The following LRRC27 variants were observed in gnomAD, a reference collection of about 807,000 sequenced individuals.
LRRC27 encodes leucine rich repeat containing 27, also known as leucine-rich repeat-containing protein 27.
LRRC27 carries 57 observed loss-of-function variants against 55.0 expected under a neutral mutation model. The ratio of observed to expected loss-of-function variants is 1.04; its 90% CI spans 0.84 to 1.29. The LOEUF is 1.29. Ranked by LOEUF, LRRC27 falls within the 50% of genes most tolerant of loss-of-function variation. The pLI, the probability that LRRC27 is intolerant of heterozygous loss-of-function variation, is 0.00. For synonymous variants in LRRC27, 278 were observed against 251.9 expected (o/e 1.10, Z -0.98); for missense variants, 721 against 651.5 (o/e 1.11, Z -1.16).
intron 2 of LRRC27, among the ~76,000 whole-genome samples, chr10:132,336,291 T>A (rs931151791): frequency 6.6e-6 from 1 of 152,160 alleles, no homozygotes; most frequent in Non-Finnish European, 1.5e-5. Context: ...CGTGGAGGCA[T>A]GCACATGCCT....
At position 132,375,274 on chromosome 10, in the gene LRRC27, C is replaced by T. The variant is rs559335375; in HGVS notation, c.*32C>T. On this transcript the variant is annotated 3_prime_UTR_variant, in exon 11 of 11. Coordinates refer to ENST00000368614, the MANE Select transcript of LRRC27 (RefSeq NM_030626.3). ...GTGGCTGGACTGATGGAGACGTCTT[C>T]AGACAGGAGCCGCTCAGTCTTCTTT... 3.2e-6 allele frequency: 5 copies of T among 1,584,856 alleles called. No homozygotes were observed. Among genetic ancestry groups the T allele is most frequent in the South Asian group, 2.3e-5 (2 of 88,488 alleles).
In LRRC27 at chr10:132,378,612, A is replaced by T. The variant is rs373736388; in HGVS notation, c.*3370A>T. The T allele has an allele frequency of 3.3e-5, 5 of 152,236 alleles. No homozygotes were observed. The highest frequency in any genetic ancestry group is 1.2e-4 in the African/African-American group (5 of 41,424). The allele number at this position is 152,236 out of a possible 1,614,324, so 9.4% of individuals were successfully genotyped here. A position where few individuals can be genotyped will look rare whatever the true frequency, so the allele number is the denominator to read the frequency against. On this transcript the variant is annotated 3_prime_UTR_variant, in exon 11 of 11. Coordinates refer to ENST00000368614, the MANE Select transcript of LRRC27 (RefSeq NM_030626.3). ...CATTCCTCTCTGTACATCAGGCTAG[A>T]TGCCTCCTGTCTACGTGGTTTTAGA...
At chr10:132,364,510 T>A (rs1564853816) in intron 9 of LRRC27, among the ~76,000 whole-genome samples, 4 of 1,464 alleles carry the variant, frequency 2.7e-3, no homozygotes, top group Admixed American at 0.011. Context: ...TACATCTACC[T>A]CCACACTCGC....
chr10:132,378,204 T>C lies in LRRC27; in HGVS notation c.*2962T>C, dbSNP rs2069363196. The C allele has an allele frequency of 6.6e-6, 1 of 152,038 alleles. No individual in the cohort carries two copies. The highest frequency in any genetic ancestry group is 2.4e-5 in the African/African-American group (1 of 41,398). The allele number at this position is 152,038 out of a possible 1,614,324, so 9.4% of individuals were successfully genotyped here. ...AAAAAAAAAAAAGATTCAATGTTCATTGTTATTTGTTGCTCCTTTGAAGGT... is the reference window on the plus strand; with the variant it reads ...AAAAAAAAAAAAGATTCAATGTTCACTGTTATTTGTTGCTCCTTTGAAGGT... On this transcript the variant is annotated 3_prime_UTR_variant, in exon 11 of 11. Coordinates refer to ENST00000368614, the MANE Select transcript of LRRC27 (RefSeq NM_030626.3).
In LRRC27 at chr10:132,372,826, A is replaced by G. The variant is rs1408700613; in HGVS notation, c.1417-2240A>G. On this transcript the variant is annotated intron_variant, in intron 10 of 10. Coordinates refer to ENST00000368614, the MANE Select transcript of LRRC27 (RefSeq NM_030626.3). This position sits in a 1 kb window ranked among gnomAD's most constrained non-coding sequence, Gnocchi z 4.0. ...CTGTCTGAGATATCAGCCAACCAAG[A>G]CAGAAGCCACCTGGGCGTACCCTAG... Among the ~76,000 whole-genome samples the G allele has an allele frequency of 6.6e-6, 1 of 151,998 alleles. No individual in the cohort carries two copies. The highest frequency in any genetic ancestry group is 1.5e-5 in the Non-Finnish European group (1 of 67,986).
chr10:132,364,390 C>T (rs868310491), intron 9 of LRRC27, among the ~76,000 whole-genome samples: 2 of 84,952 alleles, frequency 2.4e-5, no homozygotes, highest in Non-Finnish European at 2.4e-5. Context: ...CACTTACACC[C>T]ACCCTTACAT....
chr10:132,351,657 A>T lies in LRRC27; in HGVS notation c.977A>T (p.Tyr326Phe). The T allele has an allele frequency of 6.2e-7, 1 of 1,614,124 alleles. No homozygotes were observed. The highest frequency in any genetic ancestry group is 8.5e-7 in the Non-Finnish European group (1 of 1,180,030). The change falls in exon 7 of 11, where the codon TAC becomes TTC. Residue 326 changes from tyrosine to phenylalanine, a missense_variant. Tyr to Phe is a conservative substitution (Grantham distance 22). Coordinates refer to ENST00000368614, the MANE Select transcript of LRRC27 (RefSeq NM_030626.3). ...RSILPDLLSPYQMAIRAKRLE... is the reference protein window; with the variant it reads ...RSILPDLLSPFQMAIRAKRLE... ...ATCTTACCCGACCTCTTGTCACCGT[A>T]CCAAATGGCGATCCGAGCAAAAAGA... is the stretch of plus-strand genomic sequence containing the variant.
chr10:132,351,781 A>G (rs373482170), intron 7 of LRRC27, 28 bp downstream of exon 7: 71 of 1,587,460 alleles, frequency 4.5e-5, no homozygotes, highest in Non-Finnish European at 5.8e-5. Flanking sequence ...GGGGGTCCGC[A>G]CAGCCCGCCC....
chr10:132,332,382 C>T (rs1564814776), intron 1 of LRRC27, 126 bp downstream of exon 1: 1 of 152,320 alleles, frequency 6.6e-6, no homozygotes. Context: ...AAAGGCTGCC[C>T]TTCTGAGGCC....
rs1017953268 is a variant in LRRC27, at chr10:132,376,200, G to A, written c.*958G>A. ...TGACCTGGTGTTCTTCATCATTCTT[G>A]CTATGGATTTATCAATTTTGTTCCT... On this transcript the variant is annotated 3_prime_UTR_variant, in exon 11 of 11. Transcript: ENST00000368614. 2.0e-5 allele frequency: 3 copies of A among 152,098 alleles called. No individual in the cohort carries two copies. Among genetic ancestry groups the A allele is most frequent in the African/African-American group, 7.2e-5 (3 of 41,390 alleles). 9.4% of individuals were successfully genotyped at this position (152,098 alleles called of 1,614,324 possible). A position where few individuals can be genotyped will look rare whatever the true frequency, so the allele number is the denominator to read the frequency against.
chr10:132,353,469 T>TTC (rs2068164859), intron 7 of LRRC27: 12 of 950,600 alleles, frequency 1.3e-5, no homozygotes, highest in Non-Finnish European at 1.5e-5. Context: ...GATTCTGTGA[T>TTC]TGTCCACAGC....
chr10:132,331,200 CAAAAAAA>C (rs35734065), upstream of LRRC27, among the ~76,000 whole-genome samples: 90 of 56,310 alleles, frequency 1.6e-3, no homozygotes, highest in African/African-American at 4.1e-3. Context: ...GACTCCACCT[CAAAAAAA>C]AAAAAAAAAA....
chr10:132,353,378 A>G (rs1011351778), intron 7 of LRRC27: 42 of 1,059,952 alleles, frequency 4.0e-5, no homozygotes, highest in Non-Finnish European at 4.7e-5. Flanking sequence ...CCCAACATGA[A>G]TAAACCCTCC....
rs182247454 is a variant in LRRC27, at chr10:132,359,636, G to T, written c.1171-1821G>T. On this transcript the variant is annotated intron_variant, in intron 8 of 10. Coordinates refer to ENST00000368614, the MANE Select transcript of LRRC27 (RefSeq NM_030626.3). Reference sequence around the variant, plus strand: ...CATGTGCTTCTGCTGATCCGTCACTGTGTGGTCACACCCCAAGTACATTCG... The same window carrying T: ...CATGTGCTTCTGCTGATCCGTCACTTTGTGGTCACACCCCAAGTACATTCG... 4.9e-3 allele frequency among the ~76,000 whole-genome samples: 748 copies of T among 152,374 alleles called. 1 individual carries two copies. Among genetic ancestry groups the T allele is most frequent in the Middle Eastern group, 0.02 (6 of 294 alleles).
At chr10:132,345,621 C>T (rs1403530171) in intron 5 of LRRC27, among the ~76,000 whole-genome samples, 1 of 152,174 alleles carries the variant, frequency 6.6e-6, no homozygotes, top group Non-Finnish European at 1.5e-5. Flanking sequence ...AGAAAAGTAG[C>T]CGCTGGACTG....
chr10:132,354,222 A>G (rs899392346), intron 7 of LRRC27, among the ~76,000 whole-genome samples: 4 of 152,226 alleles, frequency 2.6e-5, no homozygotes, highest in African/African-American at 4.8e-5. Flanking sequence ...TCTTGGATAC[A>G]AAGAGCAAGT....
intron 7 of LRRC27, among the ~76,000 whole-genome samples, 184 bp from the exon 8 acceptor site, chr10:132,355,606 G>T (rs573671196): frequency 6.6e-6 from 1 of 152,214 alleles, no homozygotes; most frequent in East Asian, 1.9e-4. Flanking sequence ...GGCATTCCCG[G>T]CTCTGCCCAG....
Position 132,348,496 on chromosome 10 carries a change from C to G in LRRC27, c.926+140C>G, listed in dbSNP as rs565971915. On this transcript the variant is annotated intron_variant, in intron 6 of 10. Transcript: ENST00000368614. This position sits in a 1 kb window ranked among gnomAD's most constrained non-coding sequence, Gnocchi z 4.2. ...CGTTTACTGTGCAGTGAGTGCCGGT[C>G]CCAGGTTTAGGGTAACGGGGACCCG... is the stretch of plus-strand genomic sequence containing the variant. The G allele has an allele frequency of 5.1e-5, 62 of 1,206,074 alleles. No individual in the cohort carries two copies. Among genetic ancestry groups the G allele is most frequent in the African/African-American group, 4.6e-4 (30 of 64,934 alleles). 74.7% of individuals were successfully genotyped at this position (1,206,074 alleles called of 1,614,324 possible). A position where few individuals can be genotyped will look rare whatever the true frequency, so the allele number is the denominator to read the frequency against.
At chr10:132,330,558 C>T (rs962985126), upstream of LRRC27, 32 of 711,676 alleles carry the variant, frequency 4.5e-5, no homozygotes, top group African/African-American at 4.2e-4. Context: ...CCGAAGCTGA[C>T]ATTAAGTGGC....
Sources: gnomAD v4.1 joint callset for allele counts (sites outside exome capture counted in the v4.1 genomes callset) on GRCh38, gnomAD v4.1.1 for gene constraint, Gnocchi (gnomAD v3.1) non-coding constraint, MANE v1.5 for transcripts, NCBI Gene and HGNC (gene_info 2026-07-23, HGNC 2026-07-21) for gene names.